Variants in SNTG1 observed in about 807,000 individuals in gnomAD.
The protein encoded by SNTG1 is gamma-1-syntrophin.
A neutral mutation model predicts 74.7 loss-of-function variants in SNTG1; 39 were observed. The observed-to-expected ratio is 0.52, with a 90% CI of 0.40 to 0.68. The LOEUF is 0.68. SNTG1 is among the 30% of genes least tolerant of loss of function. SNTG1 has a pLI of 0.00. For synonymous variants in SNTG1, 254 were observed against 217.1 expected (o/e 1.17, Z -1.49); for missense variants, 685 against 609.5 (o/e 1.12, Z -1.30).
chr8:50,178,740 T>C (rs1007759069), intron 2 of SNTG1, among the ~76,000 whole-genome samples: 4 of 152,168 alleles, frequency 2.6e-5, no homozygotes, highest in African/African-American at 9.7e-5. Flanking sequence ...TCGAGATATA[T>C]ATTTGCCTCA....
intron 10 of SNTG1, among the ~76,000 whole-genome samples, chr8:50,531,358 C>T (rs1488719902): frequency 1.3e-5 from 2 of 151,162 alleles, no homozygotes; most frequent in Non-Finnish European, 2.9e-5. Context: ...GAAATAATTG[C>T]CACACAATAA....
chr8:50,374,498 G>A lies in SNTG1; in HGVS notation c.-27-19714G>A, dbSNP rs75229384. ...ATGGGCAGCTCAACTGTTGTAAGGCGCACAAAAGATCTTCATTTTCTGTCC... is the reference window on the plus strand; with the variant it reads ...ATGGGCAGCTCAACTGTTGTAAGGCACACAAAAGATCTTCATTTTCTGTCC... On this transcript the variant is annotated intron_variant, in intron 2 of 18. Coordinates refer to ENST00000642720, the MANE Select transcript of SNTG1 (RefSeq NM_018967.5). Among the ~76,000 whole-genome samples the A allele has an allele frequency of 5.3e-5, 8 of 152,266 alleles. No individual in the cohort carries two copies. In the East Asian group the frequency reaches 1.2e-3, roughly 22 times the overall value.
At chr8:50,636,474 T>A (rs1387659042) in intron 13 of SNTG1, among the ~76,000 whole-genome samples, 1 of 152,038 alleles carries the variant, frequency 6.6e-6, no homozygotes, top group African/African-American at 2.4e-5. Flanking sequence ...GGATGTGCAA[T>A]TCCCCTGTGG....
chr8:50,378,017 C>T (rs2092418401), intron 2 of SNTG1, among the ~76,000 whole-genome samples: 1 of 152,228 alleles, frequency 6.6e-6, no homozygotes, highest in South Asian at 2.1e-4. Context: ...CTCAGGTCCA[C>T]TGGGCTCGTT....
chr8:50,534,624 T>C (rs1415516184), intron 10 of SNTG1, among the ~76,000 whole-genome samples: 1 of 152,004 alleles, frequency 6.6e-6, no homozygotes, highest in Non-Finnish European at 1.5e-5. Flanking sequence ...CTACTAAAAA[T>C]ACAAAAATTA....
At chr8:50,608,928 C>T (rs2094831541) in intron 13 of SNTG1, among the ~76,000 whole-genome samples, 1 of 151,626 alleles carries the variant, frequency 6.6e-6, no homozygotes, top group African/African-American at 2.4e-5. Flanking sequence ...GATCATAATC[C>T]ACTTCAATTT....
At chr8:50,531,847 C>T (rs2094271147) in intron 10 of SNTG1, among the ~76,000 whole-genome samples, 1 of 152,182 alleles carries the variant, frequency 6.6e-6, no homozygotes, top group Admixed American at 6.5e-5. Flanking sequence ...CTAGGTCTTG[C>T]CTCATACCCT....
intron 9 of SNTG1, among the ~76,000 whole-genome samples, chr8:50,512,773 C>T (rs535059726): frequency 1.7e-4 from 26 of 152,234 alleles, no homozygotes; most frequent in African/African-American, 5.8e-4. Flanking sequence ...CCATCAGGTC[C>T]TTTAAGGACT....
chr8:50,259,825 T>C (rs1385600212), intron 2 of SNTG1, among the ~76,000 whole-genome samples: 1 of 152,094 alleles, frequency 6.6e-6, no homozygotes, highest in African/African-American at 2.4e-5. Context: ...GGAAGGTAAA[T>C]GCAGATGAAT....
intron 1 of SNTG1, among the ~76,000 whole-genome samples, chr8:50,051,393 T>A (rs1819562968): frequency 6.6e-6 from 1 of 152,096 alleles, no homozygotes; most frequent in Non-Finnish European, 1.5e-5. Flanking sequence ...AATTGAGAAC[T>A]GTTCCATTGA....
At chr8:50,210,088 C>T (rs10110083) in intron 2 of SNTG1, among the ~76,000 whole-genome samples, 1 of 152,036 alleles carries the variant, frequency 6.6e-6, no homozygotes, top group East Asian at 1.9e-4. Context: ...CATGCACAAG[C>T]TTTAGTAGCT....
At chr8:50,075,103 T>G (rs531803448) in intron 1 of SNTG1, among the ~76,000 whole-genome samples, 1 of 152,292 alleles carries the variant, frequency 6.6e-6, no homozygotes, top group East Asian at 1.9e-4. Context: ...CCCTGAAAAG[T>G]AGGACTCAGG....
At chr8:50,278,841 T>TAAA (rs59632873) in intron 2 of SNTG1, among the ~76,000 whole-genome samples, 10,749 of 151,544 alleles carry the variant, frequency 0.071, 423 homozygotes, top group African/African-American at 0.086. Context: ...TAACTTAACT[T>TAAA]AAAAAATTCA....
chr8:50,307,495 A>G (rs986754201), intron 2 of SNTG1, among the ~76,000 whole-genome samples: 1 of 151,880 alleles, frequency 6.6e-6, no homozygotes, highest in Non-Finnish European at 1.5e-5. Flanking sequence ...TGTTTCAAGG[A>G]ATTTTCTATT....
chr8:50,488,863 G>T (rs903514325), intron 8 of SNTG1, among the ~76,000 whole-genome samples: 19 of 152,122 alleles, frequency 1.2e-4, no homozygotes, highest in South Asian at 2.1e-4. Context: ...GTGCCATGGT[G>T]GTTTGCTGCA....
chr8:50,653,707 T>C (rs1035123239), intron 13 of SNTG1, among the ~76,000 whole-genome samples: 1 of 152,216 alleles, frequency 6.6e-6, no homozygotes, highest in Admixed American at 6.5e-5. Flanking sequence ...ATCACGACAT[T>C]TGCTAAAGTT....
At chr8:50,414,623 C>A (rs1587534811) in intron 4 of SNTG1, among the ~76,000 whole-genome samples, 2 of 152,010 alleles carry the variant, frequency 1.3e-5, no homozygotes, top group African/African-American at 4.8e-5. Context: ...ACTCTGACTG[C>A]ACGTTTGACA....
intron 14 of SNTG1, among the ~76,000 whole-genome samples, chr8:50,658,347 G>A (rs2095196697): frequency 6.6e-6 from 1 of 151,914 alleles, no homozygotes; most frequent in African/African-American, 2.4e-5. Context: ...AAGGACACTG[G>A]GCAAATGAGA....
Position 50,039,323 on chromosome 8 carries a change from C to T in SNTG1, c.-103+127092C>T, listed in dbSNP as rs139688063. Among the ~76,000 whole-genome samples the T allele has an allele frequency of 3.2e-3, 490 of 151,796 alleles. 1 individual carries two copies. Among genetic ancestry groups the T allele is most frequent in the African/African-American group, 0.011 (469 of 41,394 alleles). On this transcript the variant is annotated intron_variant, in intron 1 of 18. Coordinates refer to ENST00000642720, the MANE Select transcript of SNTG1 (RefSeq NM_018967.5). ...GCAAAAAAGTAGCGGGGCATGGTGG[C>T]GGGCGCCTGTAGTCCCAGCTACTCA... is the stretch of plus-strand genomic sequence containing the variant.
Sources: gnomAD v4.1 joint callset for allele counts (sites outside exome capture counted in the v4.1 genomes callset) on GRCh38, gnomAD v4.1.1 for gene constraint, MANE v1.5 for transcripts, NCBI Gene and HGNC (gene_info 2026-07-23, HGNC 2026-07-21) for gene names.